Variants in SYNE1 observed in about 807,000 individuals in gnomAD.
SYNE1 encodes spectrin repeat containing nuclear envelope protein 1, also known as nesprin-1.
A neutral mutation model predicts 1,111.0 loss-of-function variants in SYNE1; 616 were observed. The ratio of observed to expected loss-of-function variants is 0.55; its 90% CI spans 0.52 to 0.59. The LOEUF (loss-of-function observed/expected upper bound fraction) is 0.59, where lower values mean the gene tolerates loss of function less well. Ranked by LOEUF, SYNE1 falls within the 20% of genes least tolerant of loss-of-function variation. SYNE1 has a pLI of 0.00. For synonymous variants in SYNE1, 3,855 were observed against 3,825.8 expected (o/e 1.01, Z -0.28); for missense variants, 10,006 against 10,417.0 (o/e 0.96, Z 1.72).
chr6:152,238,712 A>G (rs1222089410), intron 108 of SYNE1, among the ~76,000 whole-genome samples: 2 of 152,050 alleles, frequency 1.3e-5, no homozygotes, highest in Non-Finnish European at 2.9e-5. Context: ...AAAGAGGAAG[A>G]ATGAGAAAGC....
At chr6:152,594,243 G>T (rs1161446157) in intron 3 of SYNE1, among the ~76,000 whole-genome samples, 3 of 152,146 alleles carry the variant, frequency 2.0e-5, no homozygotes, top group African/African-American at 7.2e-5. Context: ...ATCATACAAA[G>T]AATGGACAGG....
At chr6:152,511,200 T>C in intron 6 of SYNE1, 97 bp from the exon 7 acceptor site, 2 of 1,073,600 alleles carry the variant, frequency 1.9e-6, no homozygotes, top group East Asian at 2.5e-5. Flanking sequence ...TCAATAAGAT[T>C]TGATCATGCC....
intron 3 of SYNE1, among the ~76,000 whole-genome samples, chr6:152,570,003 G>GCAATTTAGTTTA (rs2099439985): frequency 1.3e-5 from 2 of 152,152 alleles, no homozygotes; most frequent in Admixed American, 6.5e-5. Context: ...AGACTGACCT[G>GCAATTTAGTTTA]CAATTTAGTT....
chr6:152,604,000 A>C (rs946929383), intron 3 of SYNE1, among the ~76,000 whole-genome samples: 3 of 148,582 alleles, frequency 2.0e-5, no homozygotes, highest in African/African-American at 7.4e-5. Context: ...ATATCTGTAT[A>C]TATACATATG....
chr6:152,236,075 T>C (rs957715346), intron 110 of SYNE1, 32 bp downstream of exon 110: 3 of 1,605,192 alleles, frequency 1.9e-6, no homozygotes, highest in East Asian at 2.2e-5. Context: ...GCAGCACTTA[T>C]CTAAAAATAT....
At chr6:152,208,434 A>C (rs1320347584) in intron 124 of SYNE1, among the ~76,000 whole-genome samples, 1 of 152,182 alleles carries the variant, frequency 6.6e-6, no homozygotes, top group Non-Finnish European at 1.5e-5. Context: ...ATGTCTCAGC[A>C]TAGGTTGAAG....
In SYNE1 at chr6:152,122,551, C is replaced by A; in HGVS notation, c.26279G>T (p.Gly8760Val). ...PLQLLLLLLI[G>V]LACLVPMSEE... The stretch of plus-strand genomic sequence containing the variant: ...TGACATTGGTACAAGGCAGGCAAGC[C>A]CGATGAGGAGGAGCAGGAGAAGCTG... Residue 8760 changes from glycine to valine, a missense_variant, in exon 146 of 146, where the codon GGG becomes GTG. Physicochemically the swap from Gly to Val is moderately radical, Grantham distance 109. Around this residue, in one of 7 missense-constraint regions of SYNE1, gnomAD observed 761 missense variants for 795.5 expected, o/e 0.96. Transcript: ENST00000367255. The A allele has an allele frequency of 6.2e-7, 1 of 1,614,134 alleles. No homozygotes were observed. The highest frequency in any genetic ancestry group is 1.3e-5 in the African/African-American group (1 of 75,032).
In SYNE1 at chr6:152,594,880, TC is replaced by T. The variant is rs35555026; in HGVS notation, c.67+33384del. Among the ~76,000 whole-genome samples, 1,266 of 152,266 alleles carry T rather than the reference TC, an allele frequency of 8.3e-3. 12 individuals carry two copies. Among genetic ancestry groups the T allele is most frequent in the African/African-American group, 0.027 (1,128 of 41,544 alleles). On this transcript the variant is annotated intron_variant, in intron 3 of 145. Coordinates refer to ENST00000367255, the MANE Select transcript of SYNE1 (RefSeq NM_182961.4). ...AGCCTAGGCCAATCAGACTTTCATCTCCACTATTTTAATGAAAACATTCTTA... is the reference window on the plus strand; with the variant it reads ...AGCCTAGGCCAATCAGACTTTCATCTCACTATTTTAATGAAAACATTCTTA...
intron 63 of SYNE1, among the ~76,000 whole-genome samples, chr6:152,362,860 T>C (rs994480718): frequency 9.2e-5 from 14 of 151,988 alleles, no homozygotes; most frequent in African/African-American, 2.7e-4. Context: ...AGTTAAGCAC[T>C]TCCCTTGTCT....
intron 74 of SYNE1, among the ~76,000 whole-genome samples, chr6:152,341,700 GC>G (rs1242142351): frequency 6.6e-6 from 1 of 152,160 alleles, no homozygotes. Context: ...GCCACTAAGG[GC>G]CTGGTCAATT....
intron 139 of SYNE1, 149 bp from the exon 140 acceptor site, chr6:152,140,310 T>C: frequency 1.3e-6 from 1 of 768,536 alleles, no homozygotes; most frequent in South Asian, 1.5e-5. Flanking sequence ...CATCTGGAAA[T>C]AACAGTTACA....
chr6:152,498,501 G>C (rs1251726133), intron 11 of SYNE1, among the ~76,000 whole-genome samples: 1 of 152,154 alleles, frequency 6.6e-6, no homozygotes, highest in African/African-American at 2.4e-5. Context: ...TTAATTGATA[G>C]ATACCATTTT....
chr6:152,603,837 C>A lies in SYNE1; in HGVS notation c.67+24428G>T, dbSNP rs2099602318. 3.5e-5 allele frequency among the ~76,000 whole-genome samples: 5 copies of A among 143,776 alleles called. 1 individual carries two copies. The highest frequency in any genetic ancestry group is 7.7e-5 in the African/African-American group (3 of 38,936). 94.3% of individuals were successfully genotyped at this position (143,776 alleles called of 152,430 possible). A position where few individuals can be genotyped will look rare whatever the true frequency, so the allele number is the denominator to read the frequency against. ...GTATATATATATATAGATATACTAT[C>A]TATCTATACATATATGTATATATAG... On this transcript the variant is annotated intron_variant, in intron 3 of 145. Coordinates refer to ENST00000367255, the MANE Select transcript of SYNE1 (RefSeq NM_182961.4).
chr6:152,285,898 A>G (rs536191346), intron 95 of SYNE1, among the ~76,000 whole-genome samples: 6 of 152,308 alleles, frequency 3.9e-5, no homozygotes, highest in South Asian at 2.1e-4. Flanking sequence ...TAGGATTTCA[A>G]TGAAGTTGGA....
chr6:152,180,749 A>C (rs986807190), intron 128 of SYNE1, among the ~76,000 whole-genome samples: 2 of 152,140 alleles, frequency 1.3e-5, no homozygotes, highest in African/African-American at 4.8e-5. Flanking sequence ...GAAGAAAAGA[A>C]GGGATGGAAG....
intron 4 of SYNE1, among the ~76,000 whole-genome samples, chr6:152,539,028 G>C (rs532864194): frequency 6.6e-6 from 1 of 152,128 alleles, no homozygotes; most frequent in Non-Finnish European, 1.5e-5. Flanking sequence ...TTGCTTCTGC[G>C]CTATCAAAAT....
chr6:152,531,929 C>G (rs909549276), intron 4 of SYNE1, among the ~76,000 whole-genome samples: 7 of 152,268 alleles, frequency 4.6e-5, no homozygotes, highest in Admixed American at 3.9e-4. Flanking sequence ...TTTCCATTTT[C>G]TGGCTATTGT....
At chr6:152,602,226 AG>A (rs1565117633) in intron 3 of SYNE1, among the ~76,000 whole-genome samples, 1 of 152,178 alleles carries the variant, frequency 6.6e-6, no homozygotes, top group Admixed American at 6.5e-5. Flanking sequence ...TAGAGATAAA[AG>A]TCTTTCAAGT....
At chr6:152,608,859 GA>G (rs1395952150) in intron 3 of SYNE1, among the ~76,000 whole-genome samples, 1 of 152,160 alleles carries the variant, frequency 6.6e-6, no homozygotes, top group Non-Finnish European at 1.5e-5. Flanking sequence ...CTTGAACCCA[GA>G]AGGCAGAGGT....
Sources: allele counts gnomAD v4.1 joint callset (sites outside exome capture counted in the v4.1 genomes callset), GRCh38; gene constraint gnomAD v4.1.1; regional missense constraint gnomAD v4.1.1; transcripts MANE v1.5; gene names NCBI Gene and HGNC (gene_info 2026-07-23, HGNC 2026-07-21).